The following ZHX3 variants were observed in gnomAD, a reference collection of about 807,000 sequenced individuals.
ZHX3 encodes zinc fingers and homeoboxes protein 3.
In ZHX3, 20 loss-of-function variants were observed where a neutral mutation model predicts 64.5. The observed-to-expected ratio is 0.31, with a 90% confidence interval of 0.22 to 0.45. The LOEUF (loss-of-function observed/expected upper bound fraction) is 0.45. ZHX3 is among the 20% of genes least tolerant of loss of function. The probability of loss-of-function intolerance (pLI) is 1.00; values close to 1 mark genes in which losing one functional copy is unlikely to be tolerated. For missense variants in ZHX3, 1,041 were observed against 1,195.8 expected (o/e 0.87, Z 1.91); for synonymous variants, 423 against 461.6 (o/e 0.92, Z 1.07).
intron 2 of ZHX3, among the ~76,000 whole-genome samples, chr20:41,220,176 A>G (rs558586585): frequency 2.6e-4 from 39 of 152,334 alleles, no homozygotes; most frequent in African/African-American, 7.2e-4. Context: ...GAGCATAGGA[A>G]AAGACTTTCT....
At chr20:41,213,076 G>A (rs1314856677) in intron 2 of ZHX3, among the ~76,000 whole-genome samples, 3 of 152,208 alleles carry the variant, frequency 2.0e-5, no homozygotes, top group African/African-American at 7.2e-5. Context: ...GGATGATCCT[G>A]ATGCTAAGTG....
intron 1 of ZHX3, 84 bp from the exon 2 acceptor site, chr20:41,269,167 A>T (rs1270463362): frequency 1.3e-5 from 2 of 152,196 alleles, no homozygotes; most frequent in Non-Finnish European, 2.9e-5. Flanking sequence ...CTCCCTTCCT[A>T]ATTCATTCGC....
intron 1 of ZHX3, among the ~76,000 whole-genome samples, chr20:41,292,786 T>C (rs2044315787): frequency 6.6e-6 from 1 of 152,272 alleles, no homozygotes; most frequent in Non-Finnish European, 1.5e-5. Flanking sequence ...CTGTCTCTTT[T>C]CTGTAACTTT....
intron 2 of ZHX3, among the ~76,000 whole-genome samples, chr20:41,210,089 T>C (rs2039041643): frequency 6.6e-6 from 1 of 151,982 alleles, no homozygotes; most frequent in African/African-American, 2.4e-5. Context: ...AAAAGACACA[T>C]GAAAAAATGC....
At position 41,201,999 on chromosome 20, in the gene ZHX3, A is replaced by AT; in HGVS notation, c.2860+57dup. 1 of 1,506,794 alleles carries AT rather than the reference A, an allele frequency of 6.6e-7. No individual in the cohort carries two copies. The highest frequency in any genetic ancestry group is 8.9e-7 in the Non-Finnish European group (1 of 1,128,270). 93.3% of individuals were successfully genotyped at this position (1,506,794 alleles called of 1,614,324 possible). ...TGTGCAGTAAATTCAGTGCCCAACC[A>AT]TAAGTGCCTCCTCCCCTTACCCACA... On this transcript the variant is annotated intron_variant, in intron 3 of 3. Transcript: ENST00000683867. This position sits in a 1 kb window ranked among gnomAD's most constrained non-coding sequence, Gnocchi z 5.0.
chr20:41,230,839 G>C (rs981126086), intron 2 of ZHX3, among the ~76,000 whole-genome samples: 1 of 151,838 alleles, frequency 6.6e-6, no homozygotes, highest in Non-Finnish European at 1.5e-5. Context: ...TGGTACATTT[G>C]TTACAACTGA....
rs772254967 is a variant in ZHX3, at chr20:41,203,756, T to C, written c.1161A>G (p.Thr387=). 1.9e-6 allele frequency: 3 copies of C among 1,614,244 alleles called. No homozygotes were observed. The highest frequency in any genetic ancestry group is 2.5e-6 in the Non-Finnish European group (3 of 1,180,050). The stretch of plus-strand genomic sequence containing the variant: ...CGAGTGGGGTATTTAGAACCGTAAT[T>C]GTGGGCTGAGGCACAGACTGGATGA... ...NTVIQSVPQP[T]ITVLNTPLVA... The change falls in exon 3 of 4, where the codon ACA becomes ACG. Residue 387 remains threonine, a synonymous_variant. Coordinates refer to ENST00000683867, the MANE Select transcript of ZHX3 (RefSeq NM_001384317.1). This position sits in a 1 kb window ranked among gnomAD's most constrained non-coding sequence, Gnocchi z 7.1.
chr20:41,255,028 A>G (rs1166264441), intron 2 of ZHX3, among the ~76,000 whole-genome samples: 1 of 152,190 alleles, frequency 6.6e-6, no homozygotes, highest in Non-Finnish European at 1.5e-5. Flanking sequence ...GAAGTCAGAA[A>G]AGGGGAAGAA....
In ZHX3 at chr20:41,218,681, A is replaced by T. The variant is rs2039718282; in HGVS notation, c.-150-13615T>A. On this transcript the variant is annotated intron_variant, in intron 2 of 3. Transcript: ENST00000683867. ...TTCCTCAGGAATGTGTGTGGGCAGGACCTTGGCAGTCCAGTAAGTGGATGT... is the reference window on the plus strand; with the variant it reads ...TTCCTCAGGAATGTGTGTGGGCAGGTCCTTGGCAGTCCAGTAAGTGGATGT... 2.0e-5 allele frequency among the ~76,000 whole-genome samples: 3 copies of T among 152,310 alleles called. No homozygotes were observed. The South Asian group carries it at 6.2e-4, about 32-fold the overall frequency.
rs1462975642 is a variant in ZHX3 at position 41,184,256 on chromosome 20, G to A, written c.*935C>T. The A allele has an allele frequency of 2.0e-5, 3 of 152,248 alleles. No individual in the cohort carries two copies. Among genetic ancestry groups the A allele is most frequent in the Admixed American group, 2.0e-4 (3 of 15,266 alleles). The allele number at this position is 152,248 out of a possible 1,614,324, so 9.4% of individuals were successfully genotyped here. A position where few individuals can be genotyped will look rare whatever the true frequency, so the allele number is the denominator to read the frequency against. On this transcript the variant is annotated 3_prime_UTR_variant, in exon 4 of 4. Coordinates refer to ENST00000683867, the MANE Select transcript of ZHX3 (RefSeq NM_001384317.1). ...AAAACCGCAGTGGTCAAAGCTTCAG[G>A]CTGTGGCTATAGATTTCCACTTACG...
intron 2 of ZHX3, among the ~76,000 whole-genome samples, chr20:41,240,062 T>C (rs1188744141): frequency 1.3e-5 from 2 of 152,082 alleles, no homozygotes; most frequent in African/African-American, 4.8e-5. Flanking sequence ...AGTGGCGCCA[T>C]CTTGGCTCAC....
rs1290819458 is a variant in ZHX3, at chr20:41,204,921, A to G, written c.-5T>C. On this transcript the variant is annotated 5_prime_UTR_variant, in exon 3 of 4. Coordinates refer to ENST00000683867, the MANE Select transcript of ZHX3 (RefSeq NM_001384317.1). This position sits in a 1 kb window ranked among gnomAD's most constrained non-coding sequence, Gnocchi z 6.6. The stretch of plus-strand genomic sequence containing the variant: ...GGATTTCCTCTTGCTGGCCATGGTG[A>G]CAATCACTGGGTGATCAGCAGTTGA... 2 of 1,527,584 alleles carry G rather than the reference A, an allele frequency of 1.3e-6. No homozygotes were observed. Among genetic ancestry groups the G allele is most frequent in the Non-Finnish European group, 1.8e-6 (2 of 1,138,418 alleles). The allele number at this position is 1,527,584 out of a possible 1,614,324, so 94.6% of individuals were successfully genotyped here.
intron 2 of ZHX3, among the ~76,000 whole-genome samples, chr20:41,209,327 T>C (rs2038976836): frequency 6.6e-6 from 1 of 152,146 alleles, no homozygotes; most frequent in South Asian, 2.1e-4. Flanking sequence ...TTCACAGAAT[T>C]GGAAAAAACT....
At chr20:41,299,320 G>A (rs1007569324) in intron 1 of ZHX3, among the ~76,000 whole-genome samples, 2 of 152,078 alleles carry the variant, frequency 1.3e-5, no homozygotes, top group African/African-American at 4.8e-5. Flanking sequence ...AGGATAATCT[G>A]TCACATGATT....
intron 2 of ZHX3, among the ~76,000 whole-genome samples, chr20:41,237,440 A>G (rs1174451744): frequency 6.6e-6 from 1 of 152,274 alleles, no homozygotes; most frequent in Non-Finnish European, 1.5e-5. Context: ...GCCATAAAAA[A>G]TGATGAGTTC....
At chr20:41,197,897 T>A (rs187603637) in intron 3 of ZHX3, among the ~76,000 whole-genome samples, 62 of 152,236 alleles carry the variant, frequency 4.1e-4, no homozygotes, top group Non-Finnish European at 7.2e-4. Context: ...TTTTAATGAA[T>A]TTGTCTTTTA....
chr20:41,214,031 T>C (rs2039347001), intron 2 of ZHX3: 1 of 152,160 alleles, frequency 6.6e-6, no homozygotes, highest in Non-Finnish European at 1.5e-5. Flanking sequence ...GCAAGGATCA[T>C]GCCACTGCAC....
intron 2 of ZHX3, among the ~76,000 whole-genome samples, chr20:41,268,362 ATT>A (rs2042964172): frequency 6.6e-6 from 1 of 151,700 alleles, no homozygotes; most frequent in Non-Finnish European, 1.5e-5. Context: ...ATTTACAATG[ATT>A]GTTTGCTAGT....
At chr20:41,186,958 AG>A (rs1217596264) in intron 3 of ZHX3, among the ~76,000 whole-genome samples, 2 of 152,182 alleles carry the variant, frequency 1.3e-5, no homozygotes, top group African/African-American at 4.8e-5. Flanking sequence ...GAAACACAAA[AG>A]TTTTAGATTT....
Sources: allele counts gnomAD v4.1 joint callset (sites outside exome capture counted in the v4.1 genomes callset), GRCh38; gene constraint gnomAD v4.1.1; non-coding constraint Gnocchi (gnomAD v3.1); transcripts MANE v1.5; gene names NCBI Gene and HGNC (gene_info 2026-07-23, HGNC 2026-07-21).